The following TAOK1 variants were observed in gnomAD, a reference collection of about 807,000 sequenced individuals.
TAOK1 encodes the protein TAO kinase 1.
TAOK1 carries 21 observed loss-of-function variants against 138.3 expected under a neutral mutation model. The observed-to-expected ratio is 0.15, with a 90% CI of 0.11 to 0.22. The LOEUF is 0.22. Among genes scored for constraint, TAOK1 ranks in the 10% least tolerant of loss-of-function variants. The pLI is 1.00. For synonymous variants in TAOK1, 361 were observed against 398.4 expected (o/e 0.91, Z 1.12); for missense variants, 651 against 1,227.7 (o/e 0.53, Z 7.02).
intron 19 of TAOK1, among the ~76,000 whole-genome samples, chr17:29,542,350 T>A (rs1382247191): frequency 1.3e-5 from 2 of 151,862 alleles, no homozygotes; most frequent in East Asian, 1.9e-4. Context: ...TATGTGCATG[T>A]AAAAAAAATC....
rs932979078 is a variant in TAOK1, at chr17:29,533,687, G to A, written c.2362-431G>A. Among the ~76,000 whole-genome samples, 18 of 151,972 alleles carry A rather than the reference G, an allele frequency of 1.2e-4. No individual in the cohort carries two copies. In the South Asian group the frequency reaches 2.1e-3, roughly 18 times the overall value. On this transcript the variant is annotated intron_variant, in intron 18 of 19. Coordinates refer to ENST00000261716, the MANE Select transcript of TAOK1 (RefSeq NM_020791.4). ...AACCCCGTCTCCACCAAAAAAATAC[G>A]AAAACCAGTCAGGCGTGGCGGCGCG...
chr17:29,472,939 G>A (rs1487570203), intron 3 of TAOK1, among the ~76,000 whole-genome samples: 1 of 152,174 alleles, frequency 6.6e-6, no homozygotes, highest in Non-Finnish European at 1.5e-5. Context: ...GCTGCAGAAT[G>A]GATGGTGTAT....
chr17:29,454,164 T>G (rs571360346), intron 2 of TAOK1, among the ~76,000 whole-genome samples: 45 of 152,232 alleles, frequency 3.0e-4, no homozygotes, highest in African/African-American at 1.1e-3. Context: ...CCAGTACATC[T>G]GTTAAAGAGA....
intron 18 of TAOK1, chr17:29,530,855 C>A: frequency 1.9e-6 from 1 of 538,170 alleles, no homozygotes; most frequent in South Asian, 2.0e-5. Context: ...CCTGCCAGCA[C>A]AGATCCTAAC....
At chr17:29,464,115 A>G (rs1221164263) in intron 2 of TAOK1, among the ~76,000 whole-genome samples, 1 of 152,082 alleles carries the variant, frequency 6.6e-6, no homozygotes, top group South Asian at 2.1e-4. Flanking sequence ...TCTGGGAGGT[A>G]GGTAAGGAGA....
chr17:29,425,417 G>A (rs1012254966), intron 1 of TAOK1, among the ~76,000 whole-genome samples: 2 of 152,004 alleles, frequency 1.3e-5, no homozygotes, highest in African/African-American at 4.8e-5. Flanking sequence ...GGTGGCTCCT[G>A]CCTGTAATCC....
chr17:29,416,440 G>A lies in TAOK1; in HGVS notation c.-95+25416G>A, dbSNP rs185930768. ...TTAGATTTAATGGGAAAAAAAGCTA[G>A]TCTTAAGACTTCTCAAAGAGAAGTC... On this transcript the variant is annotated intron_variant, in intron 1 of 19. Coordinates refer to ENST00000261716, the MANE Select transcript of TAOK1 (RefSeq NM_020791.4). Among the ~76,000 whole-genome samples, 30 of 152,088 alleles carry A rather than the reference G, an allele frequency of 2.0e-4. 1 individual carries two copies. The highest frequency in any genetic ancestry group is 2.0e-3 in the Admixed American group (30 of 15,258).
intron 9 of TAOK1, among the ~76,000 whole-genome samples, chr17:29,490,963 A>T (rs1457841385): frequency 6.6e-6 from 1 of 152,188 alleles, no homozygotes; most frequent in African/African-American, 2.4e-5. Flanking sequence ...AACAACTCGC[A>T]TTAGGCCCCA....
chr17:29,475,802 T>C, intron 4 of TAOK1, 31 bp downstream of exon 4: 1 of 1,548,380 alleles, frequency 6.5e-7, no homozygotes, highest in Non-Finnish European at 8.9e-7. Context: ...TGTTGCAGTT[T>C]TAGCTGATTT....
In TAOK1 at chr17:29,445,882, A is replaced by AT. The variant is rs556463295; in HGVS notation, c.-94-5564dup. Among the ~76,000 whole-genome samples the AT allele has an allele frequency of 4.6e-4, 69 of 151,192 alleles. 1 individual carries two copies. Among genetic ancestry groups the AT allele is most frequent in the Admixed American group, 3.3e-4 (5 of 15,176 alleles). On this transcript the variant is annotated intron_variant, in intron 1 of 19. Coordinates refer to ENST00000261716, the MANE Select transcript of TAOK1 (RefSeq NM_020791.4). ...CTTGAAGAATTTATGTAGAATTGGTATTTTTTTTTCTTTAATGTTTAATGA... is the reference window on the plus strand; with the variant it reads ...CTTGAAGAATTTATGTAGAATTGGTATTTTTTTTTTCTTTAATGTTTAATGA...
At chr17:29,469,738 C>T (rs1435795027) in intron 3 of TAOK1, among the ~76,000 whole-genome samples, 2 of 152,106 alleles carry the variant, frequency 1.3e-5, no homozygotes, top group Non-Finnish European at 2.9e-5. Context: ...ACACCTAGAA[C>T]AAAAATTTTC....
rs538561562 is a variant in TAOK1, at chr17:29,530,652, T to G, written c.2361+33T>G. 20 of 1,562,410 alleles carry G rather than the reference T, an allele frequency of 1.3e-5. 1 individual carries two copies. The South Asian group carries it at 2.2e-4, about 17-fold the overall frequency. On this transcript the variant is annotated intron_variant, in intron 18 of 19. Transcript: ENST00000261716. ...TGCTTTTTTTGGGGCAAAACAAATT[T>G]AGTGCCCCTTTTCTTCCACCACCTG... is the stretch of plus-strand genomic sequence containing the variant.
chr17:29,531,128 AT>A (rs1037939946), intron 18 of TAOK1, among the ~76,000 whole-genome samples: 167 of 140,372 alleles, frequency 1.2e-3, no homozygotes, highest in East Asian at 2.5e-3. Flanking sequence ...TGCCCGGCTA[AT>A]TTTTTTTTTT....
chr17:29,538,072 A>C (rs2150776939), intron 19 of TAOK1, among the ~76,000 whole-genome samples: 1 of 148,596 alleles, frequency 6.7e-6, no homozygotes, highest in East Asian at 2.0e-4. Context: ...AGATCACGCC[A>C]CTGCACTCCA....
At chr17:29,510,034 T>A (rs2031693662) in intron 14 of TAOK1, among the ~76,000 whole-genome samples, 1 of 150,894 alleles carries the variant, frequency 6.6e-6, no homozygotes, top group Non-Finnish European at 1.5e-5. Context: ...TACATGCAAA[T>A]ATATGTGTGT....
At chr17:29,516,035 C>T (rs1437893261) in intron 15 of TAOK1, among the ~76,000 whole-genome samples, 1 of 151,624 alleles carries the variant, frequency 6.6e-6, no homozygotes, top group Non-Finnish European at 1.5e-5. Context: ...CGGCTCACTG[C>T]ACTGCAACCT....
chr17:29,431,897 C>A (rs1161031702), intron 1 of TAOK1, among the ~76,000 whole-genome samples: 1 of 150,080 alleles, frequency 6.7e-6, no homozygotes, highest in Non-Finnish European at 1.5e-5. Flanking sequence ...ACCTCTGACT[C>A]CCGGGTTCAA....
At position 29,401,297 on chromosome 17, in the gene TAOK1, A is replaced by T. The variant is rs182065956; in HGVS notation, c.-95+10273A>T. On this transcript the variant is annotated intron_variant, in intron 1 of 19. Coordinates refer to ENST00000261716, the MANE Select transcript of TAOK1 (RefSeq NM_020791.4). ...TGAGACTGGGTAATTTATAAAGAAA[A>T]TAGGTTTAATGTGCTCACGGTTCTG... is the stretch of plus-strand genomic sequence containing the variant. Among the ~76,000 whole-genome samples the T allele has an allele frequency of 2.1e-3, 318 of 152,246 alleles. 3 individuals are homozygous for T. The highest frequency in any genetic ancestry group is 0.017 in the Admixed American group (262 of 15,268).
chr17:29,431,869 C>T (rs1006184765), intron 1 of TAOK1, among the ~76,000 whole-genome samples: 2 of 142,912 alleles, frequency 1.4e-5, no homozygotes, highest in Non-Finnish European at 3.0e-5. Context: ...TGCAGTGGTG[C>T]GATCTCGGCT....
Sources: allele counts gnomAD v4.1 joint callset (sites outside exome capture counted in the v4.1 genomes callset), GRCh38; gene constraint gnomAD v4.1.1; transcripts MANE v1.5; gene names NCBI Gene and HGNC (gene_info 2026-07-23, HGNC 2026-07-21).